The following RBM20 variants were observed in gnomAD, a reference collection of about 807,000 sequenced individuals.
RBM20 encodes the protein RNA-binding protein 20.
A neutral mutation model predicts 110.1 loss-of-function variants in RBM20; 51 were observed. The ratio of observed to expected loss-of-function variants is 0.46; its 90% CI spans 0.37 to 0.59. The LOEUF (loss-of-function observed/expected upper bound fraction) is 0.59. Ranked by LOEUF, RBM20 falls within the 20% of genes least tolerant of loss-of-function variation. The pLI, the probability that RBM20 is intolerant of heterozygous loss-of-function variation, is 0.00. For missense variants in RBM20, 1,512 were observed against 1,574.9 expected, an observed-to-expected ratio of 0.96 and a Z score of 0.68; for synonymous variants, 589 against 618.2, an observed-to-expected ratio of 0.95 and a Z score of 0.70.
intron 6 of RBM20, among the ~76,000 whole-genome samples, chr10:110,799,148 A>T (rs17830944): frequency 6.6e-6 from 1 of 152,008 alleles, no homozygotes; most frequent in African/African-American, 2.4e-5. Flanking sequence ...GTAGAACTCA[A>T]ATAACCAAAG....
At chr10:110,786,889 G>A (rs535252705) in intron 5 of RBM20, among the ~76,000 whole-genome samples, 17 of 152,316 alleles carry the variant, frequency 1.1e-4, no homozygotes, top group African/African-American at 3.4e-4. Flanking sequence ...GTCTGGGTAC[G>A]GGGAAGAGAT....
intron 7 of RBM20, among the ~76,000 whole-genome samples, chr10:110,810,076 A>AT (rs955429400): frequency 7.9e-5 from 12 of 151,054 alleles, no homozygotes; most frequent in South Asian, 2.1e-4. Context: ...TCACATTTTA[A>AT]TTTTTTTTTA....
intron 1 of RBM20, among the ~76,000 whole-genome samples, chr10:110,674,031 T>C (rs1339428570): frequency 6.6e-6 from 1 of 152,188 alleles, no homozygotes; most frequent in African/African-American, 2.4e-5. Context: ...ATTCTAATCC[T>C]CCTTCCTGCA....
At position 110,801,679 on chromosome 10, in the gene RBM20, A is replaced by G. The variant is rs1844626450; in HGVS notation, c.1800+1761A>G. Among the ~76,000 whole-genome samples the G allele has an allele frequency of 2.0e-5, 3 of 147,114 alleles. No individual in the cohort carries two copies. The South Asian group carries it at 6.5e-4, about 32-fold the overall frequency. On this transcript the variant is annotated intron_variant, in intron 7 of 13. Transcript: ENST00000369519. Reference sequence around the variant, plus strand: ...CTCCCGAGTAGCTGGGACTACAGGCACACACCACCATGCCTGGCTACTTTT... The same window carrying G: ...CTCCCGAGTAGCTGGGACTACAGGCGCACACCACCATGCCTGGCTACTTTT...
At chr10:110,732,570 T>G (rs1843630389) in intron 1 of RBM20, among the ~76,000 whole-genome samples, 1 of 152,198 alleles carries the variant, frequency 6.6e-6, no homozygotes, top group Non-Finnish European at 1.5e-5. Flanking sequence ...CTAAATTTCT[T>G]TTATTTCTCA....
chr10:110,796,299 A>G (rs1844549386), intron 5 of RBM20, among the ~76,000 whole-genome samples: 1 of 152,208 alleles, frequency 6.6e-6, no homozygotes, highest in Non-Finnish European at 1.5e-5. Context: ...TATTGCAAAA[A>G]TTTTTAAACA....
At chr10:110,716,649 G>A (rs536914626) in intron 1 of RBM20, among the ~76,000 whole-genome samples, 2 of 152,176 alleles carry the variant, frequency 1.3e-5, no homozygotes, top group East Asian at 3.9e-4. Context: ...CGTGGTGGCT[G>A]ATGCCTGTAA....
Position 110,709,471 on chromosome 10 carries a change from C to G in RBM20, c.191+64826C>G, listed in dbSNP as rs571925502. 1.8e-3 allele frequency among the ~76,000 whole-genome samples: 275 copies of G among 152,138 alleles called. 1 individual carries two copies. The highest frequency in any genetic ancestry group is 0.01 in the Middle Eastern group (3 of 294). On this transcript the variant is annotated intron_variant, in intron 1 of 13. Transcript: ENST00000369519. Reference sequence around the variant, plus strand: ...TCTGCCCTGACCCTGGGAGGAGGGACCATCTCTTACTTTTCTGTCTGTAGG... The same window carrying G: ...TCTGCCCTGACCCTGGGAGGAGGGAGCATCTCTTACTTTTCTGTCTGTAGG...
chr10:110,673,222 T>G (rs571752669), intron 1 of RBM20, among the ~76,000 whole-genome samples: 2 of 152,188 alleles, frequency 1.3e-5, no homozygotes, highest in South Asian at 2.1e-4. Context: ...TTTTTTTTCC[T>G]TTTTTCTGAG....
chr10:110,785,781 C>G (rs1844411872), intron 5 of RBM20, among the ~76,000 whole-genome samples: 1 of 151,538 alleles, frequency 6.6e-6, no homozygotes, highest in South Asian at 2.1e-4. Flanking sequence ...CATTCCTGGA[C>G]TTTCTAGCAT....
chr10:110,831,675 A>AC (rs1564668175), intron 13 of RBM20, among the ~76,000 whole-genome samples: 21 of 139,472 alleles, frequency 1.5e-4, no homozygotes, highest in Middle Eastern at 3.5e-3. Flanking sequence ...ATAAAAAAAA[A>AC]AAAAAAAAAA....
At chr10:110,731,615 C>G (rs1182694051) in intron 1 of RBM20, among the ~76,000 whole-genome samples, 5 of 151,446 alleles carry the variant, frequency 3.3e-5, no homozygotes, top group East Asian at 2.0e-4. Context: ...TTTTCAGAAG[C>G]CTTTTATACT....
At chr10:110,659,179 A>G (rs912385205) in intron 1 of RBM20, among the ~76,000 whole-genome samples, 2 of 152,212 alleles carry the variant, frequency 1.3e-5, no homozygotes, top group African/African-American at 4.8e-5. Flanking sequence ...TGTGACGCCA[A>G]AGCTTGGTTT....
At chr10:110,741,050 A>G (rs1843719782) in intron 1 of RBM20, among the ~76,000 whole-genome samples, 1 of 152,292 alleles carries the variant, frequency 6.6e-6, no homozygotes, top group Middle Eastern at 3.4e-3. Flanking sequence ...TGACGATTCA[A>G]GATGGCAATT....
At chr10:110,729,388 C>G (rs944582936) in intron 1 of RBM20, among the ~76,000 whole-genome samples, 1 of 152,188 alleles carries the variant, frequency 6.6e-6, no homozygotes, top group African/African-American at 2.4e-5. Flanking sequence ...CCTAGTAAAC[C>G]TTGCACTTTT....
intron 1 of RBM20, among the ~76,000 whole-genome samples, chr10:110,774,007 T>A (rs1274454654): frequency 6.6e-6 from 1 of 152,198 alleles, no homozygotes; most frequent in Non-Finnish European, 1.5e-5. Context: ...GGAGCTCCCT[T>A]TAATGAACGT....
intron 5 of RBM20, among the ~76,000 whole-genome samples, chr10:110,794,612 A>C (rs1326248812): frequency 1.3e-5 from 2 of 152,248 alleles, no homozygotes; most frequent in Non-Finnish European, 1.5e-5. Context: ...ATAATTGGAA[A>C]GCTCCAAATT....
Position 110,739,175 on chromosome 10 carries a change from C to T in RBM20, c.192-41626C>T, listed in dbSNP as rs568960124. Among the ~76,000 whole-genome samples the T allele has an allele frequency of 5.5e-4, 84 of 152,268 alleles. No homozygotes were observed. The highest frequency in any genetic ancestry group is 1.0e-3 in the Non-Finnish European group (68 of 68,022). Reference sequence around the variant, plus strand: ...TCCTGAGGACCAAGGCCTGCATAGTCTGATTTATGCTATATGTATGTAACT... The same window carrying T: ...TCCTGAGGACCAAGGCCTGCATAGTTTGATTTATGCTATATGTATGTAACT... On this transcript the variant is annotated intron_variant, in intron 1 of 13. Coordinates refer to ENST00000369519, the MANE Select transcript of RBM20 (RefSeq NM_001134363.3). This position sits in a 1 kb window ranked among gnomAD's most constrained non-coding sequence, Gnocchi z 4.1.
At chr10:110,718,760 C>T (rs552820758) in intron 1 of RBM20, among the ~76,000 whole-genome samples, 304 of 151,686 alleles carry the variant, frequency 2.0e-3, no homozygotes, top group Admixed American at 4.9e-3. Flanking sequence ...TACAGGCACC[C>T]GCCACAATGC....
Sources: gnomAD v4.1 joint callset for allele counts (sites outside exome capture counted in the v4.1 genomes callset) on GRCh38, gnomAD v4.1.1 for gene constraint, Gnocchi (gnomAD v3.1) non-coding constraint, MANE v1.5 for transcripts, NCBI Gene and HGNC (gene_info 2026-07-23, HGNC 2026-07-21) for gene names.